ENTREP2: variants seen among roughly 807,000 people sequenced by gnomAD.
The protein encoded by ENTREP2 is endosomal transmembrane epsin interactor 2, also known as protein ENTREP2.
chr15:29,417,832 A>G, the ENTREP2 span, among the ~76,000 whole-genome samples: 11 of 152,144 alleles, frequency 7.2e-5, no homozygotes, highest in African/African-American at 2.7e-4. Context: ...ACAGGAGTGG[A>G]GTCATGGGCA....
the ENTREP2 span, among the ~76,000 whole-genome samples, chr15:29,435,183 T>C: frequency 6.6e-6 from 1 of 152,182 alleles, no homozygotes; most frequent in Non-Finnish European, 1.5e-5. Flanking sequence ...TTTTCTTTTT[T>C]GGAAAGTCTG....
At chr15:29,457,306 G>C in the ENTREP2 span, among the ~76,000 whole-genome samples, 1 of 152,200 alleles carries the variant, frequency 6.6e-6, no homozygotes, top group Admixed American at 6.5e-5. Flanking sequence ...TGACGTCTTT[G>C]CTTATTTTCA....
chr15:29,486,574 C>T, the ENTREP2 span, among the ~76,000 whole-genome samples: 1 of 152,106 alleles, frequency 6.6e-6, no homozygotes, highest in Non-Finnish European at 1.5e-5. Flanking sequence ...GCCTGTAATC[C>T]AGCTACTCAG....
chr15:29,619,431 G>C, the ENTREP2 span, among the ~76,000 whole-genome samples: 1 of 151,894 alleles, frequency 6.6e-6, no homozygotes, highest in South Asian at 2.1e-4. Flanking sequence ...AACCTCATGA[G>C]ATAGACATCC....
At chr15:29,311,604 C>T in the ENTREP2 span, among the ~76,000 whole-genome samples, 3 of 152,076 alleles carry the variant, frequency 2.0e-5, no homozygotes, top group African/African-American at 7.2e-5. Context: ...GCAGGAGAGT[C>T]GCTACAACCT....
chr15:29,297,021 A>C, the ENTREP2 span, among the ~76,000 whole-genome samples: 1 of 150,292 alleles, frequency 6.7e-6, no homozygotes, highest in Non-Finnish European at 1.5e-5. Context: ...AAGTTTACCA[A>C]CCCCTGCTGG....
the ENTREP2 span, among the ~76,000 whole-genome samples, chr15:29,118,628 G>T: frequency 6.6e-6 from 1 of 152,222 alleles, no homozygotes; most frequent in Admixed American, 6.5e-5. Context: ...CTCACTAATG[G>T]AATGAGGGAG....
the ENTREP2 span, among the ~76,000 whole-genome samples, chr15:29,309,528 C>A: frequency 1.3e-5 from 2 of 152,010 alleles, no homozygotes; most frequent in African/African-American, 4.8e-5. Flanking sequence ...GCATGTAATT[C>A]CAGCACTTTG....
At chr15:29,570,178 TGTCCCCGGCGCGCGCG>T in the ENTREP2 span, among the ~76,000 whole-genome samples, 18 of 151,170 alleles carry the variant, frequency 1.2e-4, no homozygotes, top group South Asian at 6.3e-4. Flanking sequence ...GGCGAGGTCG[TGTCCCCGGCGCGCGCG>T]GTCCCCGGCG....
At chr15:29,321,454 C>T in the ENTREP2 span, among the ~76,000 whole-genome samples, 1,782 of 152,050 alleles carry the variant, frequency 0.012, 41 homozygotes, top group African/African-American at 0.041. Context: ...TCGAGACCAG[C>T]CTGGCCAAGA....
the ENTREP2 span, among the ~76,000 whole-genome samples, chr15:29,544,221 A>G: frequency 6.6e-6 from 1 of 152,334 alleles, no homozygotes; most frequent in South Asian, 2.1e-4. Flanking sequence ...AGCCAGAAAA[A>G]TAGGCATTAG....
the ENTREP2 span, among the ~76,000 whole-genome samples, chr15:29,222,103 A>G: frequency 1.4e-3 from 216 of 152,090 alleles, 1 homozygote; most frequent in Non-Finnish European, 2.4e-3. Context: ...TAGGCATTCT[A>G]ATGAGGTAGG....
chr15:29,588,489 CAAGA>C, the ENTREP2 span, among the ~76,000 whole-genome samples: 1 of 111,198 alleles, frequency 9.0e-6, no homozygotes, highest in Non-Finnish European at 1.8e-5. Context: ...AAAGAGAGAT[CAAGA>C]GAGAGAGAGA....
At chr15:29,579,811 C>T in the ENTREP2 span, among the ~76,000 whole-genome samples, 5 of 148,388 alleles carry the variant, frequency 3.4e-5, no homozygotes, top group African/African-American at 1.3e-4. Flanking sequence ...TCCGGGTTCA[C>T]GCCATTCTCC....
the ENTREP2 span, among the ~76,000 whole-genome samples, chr15:29,625,979 T>C: frequency 6.6e-6 from 1 of 152,128 alleles, no homozygotes; most frequent in Non-Finnish European, 1.5e-5. Flanking sequence ...CCTAAGTAGC[T>C]GGAATTACAG....
At chr15:29,344,931 G>GACACACACACACAC in the ENTREP2 span, among the ~76,000 whole-genome samples, 23 of 142,602 alleles carry the variant, frequency 1.6e-4, no homozygotes, top group African/African-American at 4.8e-4. Context: ...CACGCGCGCA[G>GACACACACACACAC]ACACACACAC....
chr15:29,323,340 A>T, the ENTREP2 span, among the ~76,000 whole-genome samples: 2 of 152,186 alleles, frequency 1.3e-5, no homozygotes, highest in Admixed American at 6.5e-5. Context: ...TGAAGCCTCG[A>T]TAAAAACCCA....
At chr15:29,649,305 AG>A in the ENTREP2 span, among the ~76,000 whole-genome samples, 1 of 152,248 alleles carries the variant, frequency 6.6e-6, no homozygotes, top group Non-Finnish European at 1.5e-5. Flanking sequence ...TATTAAACAA[AG>A]GAAGTGCACT....
At chr15:29,300,239 A>AATGGATGG in the ENTREP2 span, among the ~76,000 whole-genome samples, 5 of 135,632 alleles carry the variant, frequency 3.7e-5, no homozygotes, top group African/African-American at 5.7e-5. Context: ...TGGATGGAGA[A>AATGGATGG]ATGGATGGAT....
Sources: allele counts gnomAD v4.1 joint callset (sites outside exome capture counted in the v4.1 genomes callset), GRCh38; gene constraint gnomAD v4.1.1; transcripts MANE v1.5; gene names NCBI Gene and HGNC (gene_info 2026-07-23, HGNC 2026-07-21).